EPHA6: variants seen among roughly 807,000 people sequenced by gnomAD.
The protein encoded by EPHA6 is ephrin type-A receptor 6.
Under a neutral mutation model 112.0 loss-of-function variants are expected in EPHA6, and 50 were observed. The observed-to-expected ratio is 0.45, with a 90% CI of 0.36 to 0.56. The LOEUF (loss-of-function observed/expected upper bound fraction) is 0.56, where lower values mean the gene tolerates loss of function less well. Among genes scored for constraint, EPHA6 ranks in the 20% least tolerant of loss-of-function variants. EPHA6 has a pLI of 0.00. For synonymous variants in EPHA6, 529 were observed against 490.7 expected (o/e 1.08, Z -1.03); for missense variants, 1,280 against 1,417.4 (o/e 0.90, Z 1.56).
chr3:97,497,359 G>C (rs548483209), intron 10 of EPHA6, among the ~76,000 whole-genome samples: 2 of 152,232 alleles, frequency 1.3e-5, no homozygotes, highest in African/African-American at 4.8e-5. Flanking sequence ...GAAGCTCTTA[G>C]CTCCAGTAAC....
chr3:97,422,014 A>G (rs893636143), intron 6 of EPHA6, among the ~76,000 whole-genome samples: 21 of 152,096 alleles, frequency 1.4e-4, no homozygotes, highest in African/African-American at 4.1e-4. Flanking sequence ...AAATTTTTGG[A>G]AGGAAAATAG....
chr3:96,907,616 G>A lies in EPHA6; in HGVS notation c.450+40727G>A, dbSNP rs1334839695. Among the ~76,000 whole-genome samples, 2 of 151,756 alleles carry A rather than the reference G, an allele frequency of 1.3e-5. 1 individual carries two copies. The highest frequency in any genetic ancestry group is 4.8e-5 in the African/African-American group (2 of 41,386). On this transcript the variant is annotated intron_variant, in intron 2 of 17. Coordinates refer to ENST00000389672, the MANE Select transcript of EPHA6 (RefSeq NM_001080448.3). Reference sequence around the variant, plus strand: ...ATATTTTTAATATTTAGTAAGAGATGTCAATTTTTAGAAAAGATATAGGTG... The same window carrying A: ...ATATTTTTAATATTTAGTAAGAGATATCAATTTTTAGAAAAGATATAGGTG...
At chr3:97,036,740 G>A (rs1468356028) in intron 3 of EPHA6, among the ~76,000 whole-genome samples, 1 of 151,918 alleles carries the variant, frequency 6.6e-6, no homozygotes, top group African/African-American at 2.4e-5. Flanking sequence ...CATAAAATAT[G>A]GTTAATAATC....
chr3:96,833,355 G>A (rs901136370), intron 1 of EPHA6, among the ~76,000 whole-genome samples: 1 of 151,646 alleles, frequency 6.6e-6, no homozygotes, highest in Non-Finnish European at 1.5e-5. Context: ...AGGAGGCATG[G>A]AATGGATTCT....
chr3:97,426,439 C>T (rs2089131838), intron 6 of EPHA6, among the ~76,000 whole-genome samples: 1 of 152,170 alleles, frequency 6.6e-6, no homozygotes, highest in South Asian at 2.1e-4. Context: ...CAATTATTTC[C>T]ACCTGGCCCT....
At chr3:97,642,018 C>G (rs1405719326) in intron 14 of EPHA6, among the ~76,000 whole-genome samples, 1 of 148,662 alleles carries the variant, frequency 6.7e-6, no homozygotes, top group Non-Finnish European at 1.5e-5. Flanking sequence ...CAGCAGTAAC[C>G]TCTGCAGACT....
chr3:96,914,136 A>C (rs1040294131), intron 2 of EPHA6, among the ~76,000 whole-genome samples: 1 of 152,188 alleles, frequency 6.6e-6, no homozygotes, highest in South Asian at 2.1e-4. Flanking sequence ...ATGCCGGCAC[A>C]AAAGAATGCA....
intron 13 of EPHA6, among the ~76,000 whole-genome samples, chr3:97,635,662 G>A (rs181099931): frequency 1.2e-4 from 19 of 152,122 alleles, no homozygotes; most frequent in African/African-American, 4.6e-4. Context: ...GGAGAAGTGA[G>A]GAGTTATTGC....
At chr3:96,892,957 TGTGTGTGTGTGTGTGTGTGTGTGTTC>T (rs1289196187) in intron 2 of EPHA6, among the ~76,000 whole-genome samples, 1 of 123,892 alleles carries the variant, frequency 8.1e-6, no homozygotes, top group East Asian at 3.1e-4. Flanking sequence ...TATATATATG[TGTGTGTGTGTGTGTGTGTGTGTGTTC>T]GTGTGTGTGT....
chr3:97,555,936 A>T (rs181943253), intron 11 of EPHA6, among the ~76,000 whole-genome samples: 1 of 152,072 alleles, frequency 6.6e-6, no homozygotes, highest in Admixed American at 6.6e-5. Context: ...GTTTAATTAA[A>T]TCGAGTGTGC....
chr3:97,107,642 G>C (rs893193320), intron 3 of EPHA6, among the ~76,000 whole-genome samples: 2 of 152,006 alleles, frequency 1.3e-5, no homozygotes, highest in African/African-American at 4.8e-5. Context: ...TTGTTTGCAT[G>C]TTTTTAATGT....
In EPHA6 at chr3:97,756,772, T is replaced by A. The variant is rs1017655140; in HGVS notation, c.*8071T>A. ...AATATCTGAGCAGTGTTAACAAATATGAACATGAGTAACATTTGATGTAAA... is the reference window on the plus strand; with the variant it reads ...AATATCTGAGCAGTGTTAACAAATAAGAACATGAGTAACATTTGATGTAAA... On this transcript the variant is annotated 3_prime_UTR_variant, in exon 18 of 18. Coordinates refer to ENST00000389672, the MANE Select transcript of EPHA6 (RefSeq NM_001080448.3). Among the ~76,000 whole-genome samples, 2 of 151,848 alleles carry A rather than the reference T, an allele frequency of 1.3e-5. No individual in the cohort carries two copies. The highest frequency in any genetic ancestry group is 2.4e-5 in the African/African-American group (1 of 41,408).
chr3:96,981,696 G>C (rs747145877), intron 2 of EPHA6, among the ~76,000 whole-genome samples: 3 of 151,414 alleles, frequency 2.0e-5, no homozygotes, highest in Non-Finnish European at 4.4e-5. Context: ...ACTTTTTTTT[G>C]TTTCCTAGGC....
chr3:97,560,072 T>G (rs185633567), intron 11 of EPHA6, among the ~76,000 whole-genome samples: 3 of 149,520 alleles, frequency 2.0e-5, no homozygotes, highest in Admixed American at 2.0e-4. Context: ...CTATCTAGAG[T>G]GAGAGTCAAA....
At chr3:97,181,833 G>C (rs72922376) in intron 3 of EPHA6, among the ~76,000 whole-genome samples, 1 of 152,024 alleles carries the variant, frequency 6.6e-6, no homozygotes, top group Non-Finnish European at 1.5e-5. Flanking sequence ...GCAAGATGAA[G>C]CTTTTTCTCT....
intron 5 of EPHA6, among the ~76,000 whole-genome samples, chr3:97,329,425 T>C (rs972684961): frequency 1.3e-5 from 2 of 150,400 alleles, no homozygotes; most frequent in African/African-American, 5.0e-5. Context: ...TAGTTTACAG[T>C]CCCACCAACA....
chr3:97,730,823 G>T (rs1040077671), intron 15 of EPHA6, among the ~76,000 whole-genome samples: 3 of 152,134 alleles, frequency 2.0e-5, no homozygotes, highest in Non-Finnish European at 1.5e-5. Flanking sequence ...TACATGCTGG[G>T]AACACGTGGA....
chr3:97,053,401 C>T (rs1160822353), intron 3 of EPHA6, among the ~76,000 whole-genome samples: 1 of 151,908 alleles, frequency 6.6e-6, no homozygotes, highest in Non-Finnish European at 1.5e-5. Flanking sequence ...CAATAGATGA[C>T]CCAGAATTGG....
intron 5 of EPHA6, among the ~76,000 whole-genome samples, chr3:97,307,104 T>C (rs769295372): frequency 4.0e-5 from 6 of 151,854 alleles, no homozygotes; most frequent in Non-Finnish European, 5.9e-5. Flanking sequence ...TCTCTGCATA[T>C]TCCTAACAAT....
Sources: gnomAD v4.1 joint callset for allele counts (sites outside exome capture counted in the v4.1 genomes callset) on GRCh38, gnomAD v4.1.1 for gene constraint, MANE v1.5 for transcripts, NCBI Gene and HGNC (gene_info 2026-07-23, HGNC 2026-07-21) for gene names.